CCDC85C: variants seen among roughly 807,000 people sequenced by gnomAD.
CCDC85C encodes coiled-coil domain-containing protein 85C.
In CCDC85C, 18 loss-of-function variants were observed where a neutral mutation model predicts 38.3. That is an observed-to-expected ratio of 0.47 (90% CI 0.33 to 0.70). The LOEUF (loss-of-function observed/expected upper bound fraction) is 0.70, where lower values mean the gene tolerates loss of function less well. Among genes scored for constraint, CCDC85C ranks in the 30% least tolerant of loss-of-function variants. The pLI is 0.03. For synonymous variants in CCDC85C, 264 were observed against 293.8 expected, an observed-to-expected ratio of 0.90 and a Z score of 1.04; for missense variants, 566 against 621.2, an observed-to-expected ratio of 0.91 and a Z score of 0.94.
chr14:99,585,586 T>C (rs1400088074), intron 1 of CCDC85C, among the ~76,000 whole-genome samples: 1 of 152,226 alleles, frequency 6.6e-6, no homozygotes, highest in East Asian at 1.9e-4. Context: ...CCTACTATTA[T>C]TGTCACCACA....
intron 1 of CCDC85C, among the ~76,000 whole-genome samples, chr14:99,550,423 C>T (rs747691785): frequency 2.0e-5 from 3 of 152,154 alleles, no homozygotes; most frequent in Non-Finnish European, 2.9e-5. Context: ...TAGAAGGGAA[C>T]GCAGCCCTGC....
chr14:99,526,670 C>T (rs1345474034), intron 2 of CCDC85C, among the ~76,000 whole-genome samples: 9 of 152,246 alleles, frequency 5.9e-5, no homozygotes, highest in East Asian at 1.9e-4. Context: ...TCCAGGAAGA[C>T]GAAGCACTGT....
chr14:99,575,822 G>A (rs531216905), intron 1 of CCDC85C, among the ~76,000 whole-genome samples: 1 of 152,312 alleles, frequency 6.6e-6, no homozygotes, highest in South Asian at 2.1e-4. Context: ...CCCACCCAGG[G>A]ACACCCAGGC....
chr14:99,540,157 G>A (rs972132540), intron 1 of CCDC85C, among the ~76,000 whole-genome samples: 3 of 151,922 alleles, frequency 2.0e-5, no homozygotes, highest in Admixed American at 6.6e-5. Flanking sequence ...AAAAAAAAGG[G>A]GGGGGAACGG....
At chr14:99,537,577 G>A (rs1191806889) in intron 1 of CCDC85C, among the ~76,000 whole-genome samples, 3 of 152,128 alleles carry the variant, frequency 2.0e-5, no homozygotes, top group Non-Finnish European at 4.4e-5. Context: ...CTGGGGAAGA[G>A]CGCAAACCAG....
In CCDC85C at chr14:99,599,385, G is replaced by A. The variant is rs116926683; in HGVS notation, c.793+3782C>T. On this transcript the variant is annotated intron_variant, in intron 1 of 5. Transcript: ENST00000380243. The stretch of plus-strand genomic sequence containing the variant: ...GGAAATGCCTGGCAATGGGCAGGAG[G>A]GGGGCATGGTGCCTGTCGTGGGGCA... 9.0e-3 allele frequency among the ~76,000 whole-genome samples: 1,376 copies of A among 152,296 alleles called. 9 individuals are homozygous for A. The highest frequency in any genetic ancestry group is 0.015 in the Non-Finnish European group (1,049 of 68,024).
intron 1 of CCDC85C, among the ~76,000 whole-genome samples, chr14:99,556,141 G>A (rs1337501766): frequency 1.3e-5 from 2 of 152,238 alleles, no homozygotes; most frequent in Non-Finnish European, 2.9e-5. Flanking sequence ...CACTCAGGCC[G>A]GGTGCAGTGG....
At position 99,603,206 on chromosome 14, in the gene CCDC85C, C is replaced by T; in HGVS notation, c.754G>A (p.Ala252Thr). 1.4e-6 allele frequency: 2 copies of T among 1,428,924 alleles called. No homozygotes were observed. The highest frequency in any genetic ancestry group is 2.0e-4 in the Middle Eastern group (1 of 4,978). The allele number at this position is 1,428,924 out of a possible 1,614,324, so 88.5% of individuals were successfully genotyped here. A position where few individuals can be genotyped will look rare whatever the true frequency, so the allele number is the denominator to read the frequency against. Residue 252 changes from alanine (A) to threonine (T), a missense_variant, in exon 1 of 6, where the codon GCG becomes ACG. Physicochemically the swap from Ala to Thr is moderately conservative, Grantham distance 58. Coordinates refer to ENST00000380243, the MANE Select transcript of CCDC85C (RefSeq NM_001144995.2). This position sits in a 1 kb window ranked among gnomAD's most constrained non-coding sequence, Gnocchi z 7.5. The stretch of plus-strand genomic sequence containing the variant: ...GGGATGCTGCGGTGGTGCGGCGGCG[C>T]CGACAAGTCGTCCAGGGACCGACGT... The part of the protein sequence containing the change: ...ATRRSLDDLS[A>T]PPHHRSIPNG...
chr14:99,562,398 A>T (rs1467997293), intron 1 of CCDC85C, among the ~76,000 whole-genome samples: 1 of 152,198 alleles, frequency 6.6e-6, no homozygotes, highest in Admixed American at 6.5e-5. Flanking sequence ...AATGCCACAC[A>T]ATCACTGAGG....
chr14:99,504,006 C>CG lies in CCDC85C; in HGVS notation c.*11239dup, dbSNP rs565031470. The CG allele has an allele frequency of 3.1e-4, 109 of 356,058 alleles. No homozygotes were observed. Among genetic ancestry groups the CG allele is most frequent in the South Asian group, 1.5e-3 (67 of 46,034 alleles). 22.1% of individuals were successfully genotyped at this position (356,058 alleles called of 1,614,324 possible). A position where few individuals can be genotyped will look rare whatever the true frequency, so the allele number is the denominator to read the frequency against. On this transcript the variant is annotated 3_prime_UTR_variant, in exon 6 of 6. Transcript: ENST00000380243. ...CCCAAGCACCAAGCCACAGCAGATG[C>CG]GGGGGGGCAGTAGGGGGTGGTGTGC...
At chr14:99,556,537 C>A (rs1337893095) in intron 1 of CCDC85C, among the ~76,000 whole-genome samples, 1 of 151,854 alleles carries the variant, frequency 6.6e-6, no homozygotes, top group Non-Finnish European at 1.5e-5. Flanking sequence ...TCTTTTTTTG[C>A]GACAGTATCT....
At chr14:99,556,510 T>C (rs1219166134) in intron 1 of CCDC85C, among the ~76,000 whole-genome samples, 2 of 152,152 alleles carry the variant, frequency 1.3e-5, no homozygotes, top group African/African-American at 4.8e-5. Context: ...GTCACTATGC[T>C]ATATGAAAGT....
Position 99,502,914 on chromosome 14 carries a change from A to G in CCDC85C, c.*12332T>C. The G allele has an allele frequency of 1.2e-6, 2 of 1,613,800 alleles. No individual in the cohort carries two copies. Among genetic ancestry groups the G allele is most frequent in the Non-Finnish European group, 1.7e-6 (2 of 1,179,796 alleles). Reference sequence around the variant, plus strand: ...GACCCCCAGCAACCAGCCCAGCAGCAGCAGCCAGCCCAACAGCCCAAGAAA... The same window carrying G: ...GACCCCCAGCAACCAGCCCAGCAGCGGCAGCCAGCCCAACAGCCCAAGAAA... On this transcript the variant is annotated 3_prime_UTR_variant, in exon 6 of 6. Coordinates refer to ENST00000380243, the MANE Select transcript of CCDC85C (RefSeq NM_001144995.2).
chr14:99,503,592 G>C lies in CCDC85C; in HGVS notation c.*11654C>G. The C allele has an allele frequency of 6.4e-7, 1 of 1,553,042 alleles. No individual in the cohort carries two copies. ...ACTCAGGATCCCAGTTAACAATTGT[G>C]TATTTTCTTTTGTAACAGGTTGTTT... is the stretch of plus-strand genomic sequence containing the variant. On this transcript the variant is annotated 3_prime_UTR_variant, in exon 6 of 6. Transcript: ENST00000380243.
At chr14:99,519,279 C>CT (rs60431041) in intron 3 of CCDC85C, among the ~76,000 whole-genome samples, 57,192 of 122,766 alleles carry the variant, frequency 0.47, 14,970 homozygotes, top group Non-Finnish European at 0.6. Flanking sequence ...CCATGCCCAG[C>CT]TTTTTTTTTT....
chr14:99,591,879 C>T (rs990346395), intron 1 of CCDC85C, among the ~76,000 whole-genome samples: 7 of 152,062 alleles, frequency 4.6e-5, no homozygotes, highest in African/African-American at 1.7e-4. Flanking sequence ...GGATTACAGG[C>T]ATGTACCACC....
intron 1 of CCDC85C, among the ~76,000 whole-genome samples, chr14:99,557,269 G>A (rs374927829): frequency 1.2e-4 from 19 of 152,272 alleles, no homozygotes; most frequent in African/African-American, 4.3e-4. Context: ...CTTTCCCAAG[G>A]CCCAGGCTCT....
chr14:99,567,463 T>C (rs1053869723), intron 1 of CCDC85C, among the ~76,000 whole-genome samples: 1 of 152,290 alleles, frequency 6.6e-6, no homozygotes. Flanking sequence ...GGTAAGGCTG[T>C]GTTCTCACCA....
intron 1 of CCDC85C, among the ~76,000 whole-genome samples, chr14:99,562,387 C>T (rs1898134314): frequency 6.6e-6 from 1 of 152,236 alleles, no homozygotes; most frequent in Non-Finnish European, 1.5e-5. Flanking sequence ...AGCCACAGCG[C>T]AATGCCACAC....
Sources: allele counts gnomAD v4.1 joint callset (sites outside exome capture counted in the v4.1 genomes callset), GRCh38; gene constraint gnomAD v4.1.1; non-coding constraint Gnocchi (gnomAD v3.1); transcripts MANE v1.5; gene names NCBI Gene and HGNC (gene_info 2026-07-23, HGNC 2026-07-21).